INVS: variants seen among roughly 807,000 people sequenced by gnomAD.
INVS encodes the protein inversin.
INVS carries 86 observed loss-of-function variants against 108.8 expected under a neutral mutation model. The ratio of observed to expected loss-of-function variants is 0.79; its 90% CI spans 0.66 to 0.95. The LOEUF (loss-of-function observed/expected upper bound fraction) is 0.95. INVS is among the 40% of genes least tolerant of loss of function. The pLI is 0.00. For synonymous variants in INVS, 455 were observed against 473.5 expected (o/e 0.96, Z 0.51); for missense variants, 1,169 against 1,297.4 (o/e 0.90, Z 1.52).
intron 2 of INVS, among the ~76,000 whole-genome samples, chr9:100,106,273 C>T (rs1184032628): frequency 6.6e-6 from 1 of 152,156 alleles, no homozygotes; most frequent in Non-Finnish European, 1.5e-5. Flanking sequence ...CCAGTTCTTC[C>T]ACACATGCTC....
intron 10 of INVS, among the ~76,000 whole-genome samples, chr9:100,253,721 A>G (rs1434061253): frequency 6.6e-6 from 1 of 152,144 alleles, no homozygotes; most frequent in African/African-American, 2.4e-5. Context: ...AGCTTCATCC[A>G]TGTCCCTACA....
intron 3 of INVS, among the ~76,000 whole-genome samples, chr9:100,204,729 T>C (rs1230644879): frequency 1.3e-5 from 2 of 152,146 alleles, no homozygotes; most frequent in Non-Finnish European, 2.9e-5. Flanking sequence ...TTTTTTTAAG[T>C]ATGCTTAGCA....
chr9:100,250,145 A>C (rs926107971), intron 8 of INVS, among the ~76,000 whole-genome samples: 3 of 151,994 alleles, frequency 2.0e-5, no homozygotes, highest in African/African-American at 7.3e-5. Context: ...AGCTATTGTT[A>C]CTCCCTCTTT....
At chr9:100,272,503 A>C (rs1212474004) in intron 11 of INVS, among the ~76,000 whole-genome samples, 1 of 152,222 alleles carries the variant, frequency 6.6e-6, no homozygotes, top group African/African-American at 2.4e-5. Flanking sequence ...GCTCAAATTT[A>C]CAAATCTCAC....
intron 3 of INVS, among the ~76,000 whole-genome samples, chr9:100,190,549 C>G (rs1185940205): frequency 6.6e-6 from 1 of 152,118 alleles, no homozygotes; most frequent in East Asian, 1.9e-4. Flanking sequence ...TCTTGTAGAG[C>G]TGGTCTAGTA....
chr9:100,195,344 C>A (rs1163958134), intron 3 of INVS, among the ~76,000 whole-genome samples: 13 of 152,088 alleles, frequency 8.5e-5, no homozygotes, highest in African/African-American at 3.1e-4. Flanking sequence ...CTCATTATAT[C>A]AATTGTTTAA....
intron 14 of INVS, among the ~76,000 whole-genome samples, chr9:100,295,818 T>C (rs1176547107): frequency 1.3e-5 from 2 of 152,170 alleles, no homozygotes; most frequent in Non-Finnish European, 2.9e-5. Context: ...TACCTGGGCT[T>C]CCCCCCAAGT....
At chr9:100,258,504 T>C (rs1832501139) in intron 10 of INVS, among the ~76,000 whole-genome samples, 1 of 152,220 alleles carries the variant, frequency 6.6e-6, no homozygotes, top group Admixed American at 6.5e-5. Context: ...TTTAGAATTT[T>C]CAGCTTTTCT....
intron 3 of INVS, among the ~76,000 whole-genome samples, chr9:100,219,164 C>T (rs1023901623): frequency 4.6e-5 from 7 of 151,824 alleles, no homozygotes; most frequent in African/African-American, 1.7e-4. Context: ...ATCCAGAATA[C>T]ATAAAGAACT....
intron 3 of INVS, among the ~76,000 whole-genome samples, chr9:100,218,921 T>C (rs907106012): frequency 2.0e-5 from 3 of 151,954 alleles, no homozygotes; most frequent in Non-Finnish European, 4.4e-5. Flanking sequence ...GACTAGGAGC[T>C]GGGTGGAAGA....
At chr9:100,210,993 C>T (rs1259621657) in intron 3 of INVS, among the ~76,000 whole-genome samples, 2 of 151,978 alleles carry the variant, frequency 1.3e-5, no homozygotes, top group Non-Finnish European at 2.9e-5. Flanking sequence ...TCTAGACCAG[C>T]AGCAGCAGCA....
At chr9:100,211,968 A>G (rs1830844578) in intron 3 of INVS, among the ~76,000 whole-genome samples, 1 of 152,240 alleles carries the variant, frequency 6.6e-6, no homozygotes. Context: ...TTTTAGCAAT[A>G]AAACACAGAA....
chr9:100,245,349 G>A (rs1353802844), intron 7 of INVS, among the ~76,000 whole-genome samples: 1 of 151,996 alleles, frequency 6.6e-6, no homozygotes, highest in Non-Finnish European at 1.5e-5. Flanking sequence ...ATGCAATCTC[G>A]GCTCACTGCA....
chr9:100,268,627 A>C (rs1207138234), intron 11 of INVS, among the ~76,000 whole-genome samples: 1 of 152,228 alleles, frequency 6.6e-6, no homozygotes, highest in African/African-American at 2.4e-5. Context: ...AATGTAGCAA[A>C]AAATTGTTAA....
chr9:100,191,678 T>C (rs1564152075), intron 3 of INVS, among the ~76,000 whole-genome samples: 1 of 152,176 alleles, frequency 6.6e-6, no homozygotes, highest in Non-Finnish European at 1.5e-5. Context: ...CTTTATCTGG[T>C]ATTTCAAAGA....
chr9:100,279,842 C>A (rs1041175637), intron 12 of INVS, among the ~76,000 whole-genome samples: 4 of 152,018 alleles, frequency 2.6e-5, no homozygotes, highest in African/African-American at 7.2e-5. Context: ...TTAATTTCTT[C>A]GTGTCAAAAG....
Position 100,117,530 on chromosome 9 carries a change from C to T in INVS, c.107-8853C>T, listed in dbSNP as rs571375464. On this transcript the variant is annotated intron_variant, in intron 2 of 16. Transcript: ENST00000262457. ...GCCCCGTCCACGGCCGCAACCCCGG[C>T]CCCGGATGCCACTGCGGAAACCTCC... 718 of 1,027,178 alleles carry T rather than the reference C, an allele frequency of 7.0e-4. 1 individual carries two copies. Among genetic ancestry groups the T allele is most frequent in the Non-Finnish European group, 9.0e-4 (605 of 671,646 alleles). The allele number at this position is 1,027,178 out of a possible 1,614,324, so 63.6% of individuals were successfully genotyped here. A position where few individuals can be genotyped will look rare whatever the true frequency, so the allele number is the denominator to read the frequency against.
chr9:100,101,014 ATG>A (rs1564112616), intron 1 of INVS, among the ~76,000 whole-genome samples: 1 of 98,226 alleles, frequency 1.0e-5, no homozygotes, highest in African/African-American at 4.0e-5. Flanking sequence ...TATATATTAT[ATG>A]TATATATATT....
chr9:100,143,936 G>T (rs1828516731), intron 3 of INVS, among the ~76,000 whole-genome samples: 1 of 152,148 alleles, frequency 6.6e-6, no homozygotes, highest in African/African-American at 2.4e-5. Context: ...GGCTTCCGAG[G>T]CGATCGGGCA....
Sources: allele counts gnomAD v4.1 joint callset (sites outside exome capture counted in the v4.1 genomes callset), GRCh38; gene constraint gnomAD v4.1.1; transcripts MANE v1.5; gene names NCBI Gene and HGNC (gene_info 2026-07-23, HGNC 2026-07-21).